ZC4H2: variants seen among roughly 807,000 people sequenced by gnomAD.
ZC4H2 encodes zinc finger C4H2 domain-containing protein.
For missense variants in ZC4H2, 137 were observed against 173.9 expected (o/e 0.79, Z 1.19); for synonymous variants, 84 against 66.3 (o/e 1.27, Z -1.30).
intron 1 of ZC4H2, among the ~76,000 whole-genome samples, chrX:65,006,478 A>G (rs1170691898): frequency 9.4e-6 from 1 of 106,705 alleles, no homozygotes; most frequent in Non-Finnish European, 1.9e-5. Context: ...CAAGCACTGC[A>G]TGTTCTCACT....
chrX:64,937,119 A>G (rs891876388), intron 1 of ZC4H2, among the ~76,000 whole-genome samples: 2 of 110,980 alleles, frequency 1.8e-5, no homozygotes, highest in Non-Finnish European at 3.8e-5. Context: ...TGGGGTTGCA[A>G]TCCTAATCTC....
In ZC4H2 at chrX:64,921,844, G is replaced by T. The variant is rs747170320; in HGVS notation, c.198C>A (p.Leu66=). 1.7e-6 allele frequency: 2 copies of T among 1,208,217 alleles called. No homozygotes were observed. The highest frequency in any genetic ancestry group is 4.4e-5 in the Admixed American group (2 of 45,398). Residue 66 remains leucine (L), a synonymous_variant, in exon 2 of 5, where the codon CTC becomes CTA. Transcript: ENST00000374839. ...CATTGATGTCAGCGTGGATCAGTCG[G>T]AGTTCCTCCACATGGGCCATCTTCT... ...LQEKMAHVEE[L]RLIHADINVM...
chrX:64,991,182 A>C (rs1248403423), intron 1 of ZC4H2, among the ~76,000 whole-genome samples: 1 of 111,963 alleles, frequency 8.9e-6, no homozygotes, highest in Non-Finnish European at 1.9e-5. Context: ...TAGCTGAAAG[A>C]TCTGAATATT....
intron 1 of ZC4H2, among the ~76,000 whole-genome samples, chrX:65,012,362 G>C (rs955879084): frequency 9.0e-6 from 1 of 110,817 alleles, no homozygotes; most frequent in African/African-American, 3.3e-5. Context: ...TTCATGCAAG[G>C]CACGTTTGGT....
chrX:64,952,724 G>C (rs374431339), intron 1 of ZC4H2, among the ~76,000 whole-genome samples: 2 of 109,707 alleles, frequency 1.8e-5, no homozygotes, highest in African/African-American at 3.3e-5. Flanking sequence ...AATCAATATC[G>C]TGAAAATGGC....
At chrX:64,947,952 T>G (rs1930617314) in intron 1 of ZC4H2, among the ~76,000 whole-genome samples, 1 of 111,194 alleles carries the variant, frequency 9.0e-6, no homozygotes, top group Admixed American at 9.7e-5. Flanking sequence ...TGTTCATTGC[T>G]CAGTTAAACT....
intron 1 of ZC4H2, among the ~76,000 whole-genome samples, chrX:64,975,324 TA>T (rs763606328): frequency 4.5e-5 from 5 of 111,615 alleles, no homozygotes; most frequent in Non-Finnish European, 7.5e-5. Context: ...CAAGGTGCTT[TA>T]CCTACCACCA....
At chrX:64,982,350 C>A (rs1205707322) in intron 1 of ZC4H2, among the ~76,000 whole-genome samples, 1 of 112,122 alleles carries the variant, frequency 8.9e-6, no homozygotes, top group Non-Finnish European at 1.9e-5. Flanking sequence ...TACTTTAGAA[C>A]TACTCATAGG....
Position 65,012,333 on chromosome X carries a change from TA to T in ZC4H2, c.-272+22295del, listed in dbSNP as rs1273124601. Among the ~76,000 whole-genome samples, 3 of 110,422 alleles carry T rather than the reference TA, an allele frequency of 2.7e-5. No individual in the cohort carries two copies. The Middle Eastern group carries it at 0.014, about 514-fold the overall frequency. ...ATTGCAATCTTTAAGTCACATGCTT[TA>T]AAAAAATAACTCAAGTATTCATGCA... On this transcript the variant is annotated intron_variant, in intron 1 of 4. Transcript: ENST00000337990.
At chrX:64,928,193 T>G (rs1235245578) in intron 1 of ZC4H2, among the ~76,000 whole-genome samples, 1 of 112,384 alleles carries the variant, frequency 8.9e-6, no homozygotes, top group Non-Finnish European at 1.9e-5. Flanking sequence ...ATGAAGTCTT[T>G]GCCCATGCCT....
At chrX:64,984,714 T>C (rs1210542067) in intron 1 of ZC4H2, among the ~76,000 whole-genome samples, 4 of 112,081 alleles carry the variant, frequency 3.6e-5, no homozygotes, top group Non-Finnish European at 7.5e-5. Context: ...ATTTCTTATC[T>C]TGTGGCTACT....
At chrX:64,965,445 A>G in intron 1 of ZC4H2, 1 of 323,096 alleles carries the variant, frequency 3.1e-6, no homozygotes, top group South Asian at 2.7e-5. Flanking sequence ...AAAATCCTTA[A>G]CCCGTACCTT....
At chrX:64,976,555 C>A (rs1469275790), upstream of ZC4H2, 8 of 459,176 alleles carry the variant, frequency 1.7e-5, no homozygotes, top group Non-Finnish European at 3.0e-5. Context: ...AGCCCGGGGG[C>A]CTGTAGGACT....
chrX:64,924,821 C>T (rs1035299439), intron 1 of ZC4H2, among the ~76,000 whole-genome samples: 154 of 110,549 alleles, frequency 1.4e-3, no homozygotes, highest in African/African-American at 4.9e-3. Context: ...GGGAGAGGGG[C>T]CTAGATAAAA....
chrX:64,918,994 A>T (rs1348167495), intron 4 of ZC4H2, 48 bp downstream of exon 4: 2 of 1,126,167 alleles, frequency 1.8e-6, no homozygotes, highest in Non-Finnish European at 2.3e-6. Context: ...CGGCCCTTCC[A>T]TGGGAGGATA....
chrX:65,002,506 C>T (rs1453812360), intron 1 of ZC4H2, among the ~76,000 whole-genome samples: 1 of 110,773 alleles, frequency 9.0e-6, no homozygotes, highest in African/African-American at 3.3e-5. Flanking sequence ...CCGGCCGCCC[C>T]TTCTGGGAAG....
chrX:65,031,608 C>T (rs1312034920), intron 1 of ZC4H2, among the ~76,000 whole-genome samples: 1 of 111,922 alleles, frequency 8.9e-6, no homozygotes, highest in Non-Finnish European at 1.9e-5. Flanking sequence ...TAATGTATCT[C>T]CTTGGGGGAC....
chrX:64,950,673 C>T (rs1352673705), intron 1 of ZC4H2, among the ~76,000 whole-genome samples: 2 of 110,646 alleles, frequency 1.8e-5, no homozygotes, highest in East Asian at 5.7e-4. Context: ...ATTGCAATCC[C>T]CACCTTTTTT....
chrX:65,002,502 G>A (rs1391527429), intron 1 of ZC4H2, among the ~76,000 whole-genome samples: 14 of 109,850 alleles, frequency 1.3e-4, no homozygotes, highest in African/African-American at 2.7e-4. Context: ...CTGCCCGGCC[G>A]CCCCTTCTGG....
Sources: allele counts gnomAD v4.1 joint callset (sites outside exome capture counted in the v4.1 genomes callset), GRCh38; gene constraint gnomAD v4.1.1; transcripts MANE v1.5; gene names NCBI Gene and HGNC (gene_info 2026-07-23, HGNC 2026-07-21).